Variants in EIF4ENIF1 observed in about 807,000 individuals in gnomAD.
EIF4ENIF1 encodes the protein eukaryotic translation initiation factor 4E transporter.
A neutral mutation model predicts 110.5 loss-of-function variants in EIF4ENIF1; 23 were observed. That is an observed-to-expected ratio of 0.21 (90% CI 0.15 to 0.29). EIF4ENIF1 has a LOEUF of 0.29. Ranked by LOEUF, EIF4ENIF1 falls within the 10% of genes least tolerant of loss-of-function variation. The pLI, the probability that EIF4ENIF1 is intolerant of heterozygous loss-of-function variation, is 1.00. For synonymous variants in EIF4ENIF1, 440 were observed against 437.0 expected, an observed-to-expected ratio of 1.01 and a Z score of -0.09; for missense variants, 1,031 against 1,221.1, an observed-to-expected ratio of 0.84 and a Z score of 2.32.
intron 1 of EIF4ENIF1, 118 bp from the exon 2 acceptor site, chr22:31,488,863 G>C: frequency 8.7e-7 from 1 of 1,144,810 alleles, no homozygotes; most frequent in Non-Finnish European, 1.2e-6. Context: ...TTAAAAACAA[G>C]TCCCCACCCC....
chr22:31,478,993 C>A (rs1379130140), intron 2 of EIF4ENIF1, among the ~76,000 whole-genome samples: 4 of 149,540 alleles, frequency 2.7e-5, no homozygotes, highest in Non-Finnish European at 4.5e-5. Context: ...CAACTGTCCA[C>A]ATAATATATC....
At chr22:31,473,323 C>A (rs2069191668) in intron 2 of EIF4ENIF1, among the ~76,000 whole-genome samples, 1 of 152,144 alleles carries the variant, frequency 6.6e-6, no homozygotes, top group Non-Finnish European at 1.5e-5. Flanking sequence ...AAGACTTCTG[C>A]AGACCCAAGT....
intron 10 of EIF4ENIF1, 59 bp from the exon 11 acceptor site, chr22:31,450,419 G>T: frequency 7.4e-7 from 1 of 1,359,338 alleles, no homozygotes; most frequent in South Asian, 1.2e-5. Context: ...CTTACAGATT[G>T]ATTGGGGACC....
At chr22:31,440,963 T>A in intron 17 of EIF4ENIF1, 95 bp from the exon 18 acceptor site, 1 of 1,521,278 alleles carries the variant, frequency 6.6e-7, no homozygotes, top group Non-Finnish European at 8.9e-7. Flanking sequence ...GGAAGTTTGT[T>A]AAGAATGAAG....
At position 31,444,659 on chromosome 22, in the gene EIF4ENIF1, C is replaced by A. The variant is rs371539352; in HGVS notation, c.2020G>T (p.Val674Leu). The change falls in exon 15 of 19, where the codon GTG (valine) becomes TTG (leucine). Residue 674 changes from valine to leucine, a missense_variant. By Grantham distance (32) the Val-to-Leu change is conservative. Transcript: ENST00000330125. ...GGGGAAGAGGAATTCCCTCGATGCA[C>A]GGGTGCTGGTGACTTGGTCACTCGC... ...QQRVTKSPAP[V>L]HRGNSSSPAP... is the part of the protein sequence containing the mutation. The A allele has an allele frequency of 1.2e-6, 2 of 1,614,090 alleles. No individual in the cohort carries two copies. The highest frequency in any genetic ancestry group is 1.7e-5 in the Admixed American group (1 of 60,012).
At chr22:31,475,296 T>C (rs1004934215) in intron 2 of EIF4ENIF1, among the ~76,000 whole-genome samples, 1 of 152,076 alleles carries the variant, frequency 6.6e-6, no homozygotes, top group African/African-American at 2.4e-5. Flanking sequence ...ACATACAACC[T>C]ATAAATCACC....
intron 7 of EIF4ENIF1, among the ~76,000 whole-genome samples, chr22:31,457,986 T>G (rs2050880086): frequency 6.6e-6 from 1 of 152,060 alleles, no homozygotes; most frequent in African/African-American, 2.4e-5. Flanking sequence ...TCCCAGCACT[T>G]TGGGAGACCA....
At position 31,455,413 on chromosome 22, in the gene EIF4ENIF1, C is replaced by G. The variant is rs1051806565; in HGVS notation, c.1100-98G>C. On this transcript the variant is annotated intron_variant, in intron 8 of 18. Coordinates refer to ENST00000330125, the MANE Select transcript of EIF4ENIF1 (RefSeq NM_019843.4). ...TTTCTTTCTTTTTTTTTTTTTTTTT[C>G]TTTGAGATGGAGTTTCGCTTTTTCG... 4 of 830,382 alleles carry G rather than the reference C, an allele frequency of 4.8e-6. No individual in the cohort carries two copies. In the South Asian group the frequency reaches 1.2e-4, roughly 25 times the overall value. The allele number at this position is 830,382 out of a possible 1,614,324, so 51.4% of individuals were successfully genotyped here.
At chr22:31,485,108 G>A (rs557363316) in intron 2 of EIF4ENIF1, among the ~76,000 whole-genome samples, 223 of 152,290 alleles carry the variant, frequency 1.5e-3, no homozygotes, top group Middle Eastern at 0.01. Flanking sequence ...TGAAAACCAT[G>A]AAAGCACTAC....
chr22:31,467,606 C>T (rs549432553), intron 4 of EIF4ENIF1, among the ~76,000 whole-genome samples: 1 of 152,042 alleles, frequency 6.6e-6, no homozygotes, highest in East Asian at 1.9e-4. Context: ...GGGTGGATCA[C>T]GAGGTTAGCA....
intron 7 of EIF4ENIF1, 111 bp downstream of exon 7, chr22:31,458,364 T>C: frequency 3.2e-6 from 3 of 935,242 alleles, no homozygotes; most frequent in Non-Finnish European, 4.3e-6. Flanking sequence ...TATGTAAGAA[T>C]AAAAGCCAAA....
chr22:31,460,945 AAAAC>A (rs200629780), intron 6 of EIF4ENIF1, among the ~76,000 whole-genome samples: 12 of 152,094 alleles, frequency 7.9e-5, no homozygotes, highest in Admixed American at 1.3e-4. Context: ...ACTCCATCTC[AAAAC>A]AAACAAACAA....
chr22:31,474,700 T>C (rs1034972634), intron 2 of EIF4ENIF1, among the ~76,000 whole-genome samples: 19 of 151,954 alleles, frequency 1.3e-4, no homozygotes, highest in African/African-American at 4.6e-4. Flanking sequence ...TATACACACA[T>C]ATATATACAC....
chr22:31,461,349 T>C (rs2050988299), intron 6 of EIF4ENIF1, among the ~76,000 whole-genome samples: 1 of 152,184 alleles, frequency 6.6e-6, no homozygotes, highest in Non-Finnish European at 1.5e-5. Flanking sequence ...GGGCTCCCAC[T>C]CTGCAGCAGG....
intron 2 of EIF4ENIF1, among the ~76,000 whole-genome samples, chr22:31,477,774 T>C (rs1601639892): frequency 6.6e-6 from 1 of 152,210 alleles, no homozygotes; most frequent in Non-Finnish European, 1.5e-5. Context: ...TTTTCTTCAC[T>C]GAGAAATGGG....
intron 14 of EIF4ENIF1, among the ~76,000 whole-genome samples, chr22:31,446,558 C>T (rs944646436): frequency 6.6e-6 from 1 of 152,110 alleles, no homozygotes; most frequent in East Asian, 1.9e-4. Context: ...CACATCAAAA[C>T]ATTAAGTACC....
intron 2 of EIF4ENIF1, among the ~76,000 whole-genome samples, chr22:31,473,768 T>A (rs2146044093): frequency 6.6e-6 from 1 of 152,324 alleles, no homozygotes; most frequent in African/African-American, 2.4e-5. Flanking sequence ...TTGGTCAAGG[T>A]ATTCTCTAGT....
intron 2 of EIF4ENIF1, among the ~76,000 whole-genome samples, chr22:31,480,237 T>G (rs2051761465): frequency 6.6e-6 from 1 of 152,124 alleles, no homozygotes; most frequent in Admixed American, 6.6e-5. Context: ...GTGTCAAGGC[T>G]CCCAAAACCT....
rs763835270 is a variant in EIF4ENIF1 at position 31,488,672 on chromosome 22, A to C, written c.47T>G (p.Leu16Arg). 1 of 1,614,046 alleles carries C rather than the reference A, an allele frequency of 6.2e-7. No homozygotes were observed. The highest frequency in any genetic ancestry group is 1.3e-5 in the African/African-American group (1 of 74,924). ...MGETESGDAF[L>R]DLKKPPASKC... is the part of the protein sequence containing the mutation. Reference sequence around the variant, plus strand: ...GGAGGCAGGAGGCTTCTTCAGGTCAAGGAAAGCATCTCCACTTTCTGTTTC... The same window carrying C: ...GGAGGCAGGAGGCTTCTTCAGGTCACGGAAAGCATCTCCACTTTCTGTTTC... The change falls in exon 2 of 19, where the codon CTT (leucine) becomes CGT (arginine). Residue 16 changes from leucine to arginine, a missense_variant. Around this residue, in one of 3 missense-constraint regions of EIF4ENIF1, gnomAD observed 704 missense variants for 879.7 expected, o/e 0.80. Coordinates refer to ENST00000330125, the MANE Select transcript of EIF4ENIF1 (RefSeq NM_019843.4).
Sources: gnomAD v4.1 joint callset for allele counts (sites outside exome capture counted in the v4.1 genomes callset) on GRCh38, gnomAD v4.1.1 for gene constraint, gnomAD v4.1.1 regional missense constraint, MANE v1.5 for transcripts, NCBI Gene and HGNC (gene_info 2026-07-23, HGNC 2026-07-21) for gene names.